Variants in PIKFYVE observed in about 807,000 individuals in gnomAD.
PIKFYVE encodes phosphoinositide kinase, FYVE-type zinc finger containing.
In PIKFYVE, 122 loss-of-function variants were observed where a neutral mutation model predicts 257.9. That is an observed-to-expected ratio of 0.47 (90% CI 0.41 to 0.55). The LOEUF (loss-of-function observed/expected upper bound fraction) is 0.55, where lower values mean the gene tolerates loss of function less well. Ranked by LOEUF, PIKFYVE falls within the 20% of genes least tolerant of loss-of-function variation. The probability of loss-of-function intolerance (pLI) is 0.00; values close to 1 mark genes in which losing one functional copy is unlikely to be tolerated. For missense variants in PIKFYVE, 2,160 were observed against 2,536.6 expected (o/e 0.85, Z 3.19); for synonymous variants, 892 against 868.9 (o/e 1.03, Z -0.47).
rs778674190 is a variant in PIKFYVE at position 208,350,000 on chromosome 2, T to C, written c.5375-24T>C. ...TGATAATTACTCAAAACCTTGGCTT[T>C]ACTAATGATATTAAACCTTTTAGAT... On this transcript the variant is annotated intron_variant, in intron 35 of 41. Transcript: ENST00000264380. 6.2e-6 allele frequency: 10 copies of C among 1,611,094 alleles called. No individual in the cohort carries two copies. In the East Asian group the frequency reaches 1.8e-4, roughly 29 times the overall value.
chr2:208,273,678 C>T lies in PIKFYVE; in HGVS notation c.267C>T (p.Pro89=), dbSNP rs753516888. ...CGAGGACACAGTCTGTTAGGTCACC[C>T]ACACCTTATAAAAAGCAGCTTAATG... The part of the protein sequence containing the change: ...LPSRTQSVRS[P]TPYKKQLNEE... Residue 89 remains proline, a synonymous_variant, in exon 3 of 42, where the codon CCC becomes CCT. Transcript: ENST00000264380. 12 of 1,614,006 alleles carry T rather than the reference C, an allele frequency of 7.4e-6. No individual in the cohort carries two copies. The highest frequency in any genetic ancestry group is 1.0e-5 in the Non-Finnish European group (12 of 1,180,030).
At chr2:208,293,741 C>G (rs1045772506) in intron 7 of PIKFYVE, among the ~76,000 whole-genome samples, 2 of 151,462 alleles carry the variant, frequency 1.3e-5, no homozygotes, top group Non-Finnish European at 2.9e-5. Flanking sequence ...GTCTCAAACT[C>G]CTGGCCTCAA....
intron 3 of PIKFYVE, 152 bp from the exon 4 acceptor site, chr2:208,276,560 A>AT: frequency 1.4e-6 from 1 of 722,636 alleles, no homozygotes; most frequent in South Asian, 1.5e-5. Context: ...TTACCCTTAT[A>AT]AAGACTTGTT....
In PIKFYVE at chr2:208,350,857, A is replaced by T. The variant is rs955752768; in HGVS notation, c.5521A>T (p.Ser1841Cys). 2 of 1,614,168 alleles carry T rather than the reference A, an allele frequency of 1.2e-6. No homozygotes were observed. The highest frequency in any genetic ancestry group is 1.7e-6 in the Non-Finnish European group (2 of 1,180,016). The change falls in exon 37 of 42, where the codon AGT becomes TGT. Residue 1841 changes from serine to cysteine, a missense_variant. Ser to Cys is a moderately radical substitution (Grantham distance 112, BLOSUM62 -1). Transcript: ENST00000264380. ...GATGCGTGAAGTGATTCTGGACAGC[A>T]GTGAAGAAGATTTCATTCGTTCCCT... ...HKMREVILDS[S>C]EEDFIRSLSH...
intron 23 of PIKFYVE, among the ~76,000 whole-genome samples, chr2:208,331,279 T>G (rs943559795): frequency 2.6e-5 from 4 of 152,216 alleles, no homozygotes; most frequent in Non-Finnish European, 5.9e-5. Flanking sequence ...GGGCAAAAAT[T>G]TGGTGCCAAT....
chr2:208,307,034 T>G (rs1006446075), intron 12 of PIKFYVE, among the ~76,000 whole-genome samples: 1 of 152,164 alleles, frequency 6.6e-6, no homozygotes, highest in Non-Finnish European at 1.5e-5. Flanking sequence ...CTGCCTTAGC[T>G]TTCCTAAGTG....
chr2:208,322,783 A>G (rs6414168), intron 17 of PIKFYVE, among the ~76,000 whole-genome samples: 145,463 of 147,724 alleles, frequency 0.98, 71,652 homozygotes, highest in East Asian at 1. Flanking sequence ...TGCCATGTTC[A>G]TGTGTTGCAC....
intron 17 of PIKFYVE, among the ~76,000 whole-genome samples, chr2:208,322,186 C>T (rs924866854): frequency 6.6e-6 from 1 of 151,524 alleles, no homozygotes; most frequent in Non-Finnish European, 1.5e-5. Context: ...TCAAGACCAG[C>T]CTGGGTAACA....
chr2:208,277,819 A>G (rs1574415888), intron 5 of PIKFYVE, 111 bp downstream of exon 5: 2 of 1,139,274 alleles, frequency 1.8e-6, no homozygotes, highest in Non-Finnish European at 2.6e-6. Context: ...TGTGTAAGAC[A>G]TGGGGACACA....
At chr2:208,268,263 C>T (rs1017075783) in intron 1 of PIKFYVE, among the ~76,000 whole-genome samples, 8 of 151,962 alleles carry the variant, frequency 5.3e-5, no homozygotes, top group African/African-American at 1.9e-4. Context: ...TTTCCAAAGC[C>T]GAGTATAATT....
At chr2:208,324,849 T>A (rs1696733072) in intron 18 of PIKFYVE, 62 bp from the exon 19 acceptor site, 3 of 1,576,574 alleles carry the variant, frequency 1.9e-6, no homozygotes, top group Non-Finnish European at 2.6e-6. Context: ...TTTTCCAGAT[T>A]AAATTTACAA....
Position 208,326,411 on chromosome 2 carries a change from T to C in PIKFYVE, c.3600T>C (p.Asp1200=), listed in dbSNP as rs748667587. 5.0e-6 allele frequency: 8 copies of C among 1,613,972 alleles called. No homozygotes were observed. The highest frequency in any genetic ancestry group is 8.5e-7 in the Non-Finnish European group (1 of 1,179,980). The change falls in exon 20 of 42, where the codon GAT becomes GAC. Residue 1200 remains aspartate (D), a synonymous_variant. Transcript: ENST00000264380. ...GDEERGLILS[D]AVWSTKVDCL... is the part of the protein sequence containing the mutation. ...AAGAGAGAGGGCTTATTCTGAGTGA[T>C]GCTGTGTGGTCAACAAAGGTGAGCC... is the stretch of plus-strand genomic sequence containing the variant.
chr2:208,344,243 A>C (rs764066664), intron 32 of PIKFYVE, among the ~76,000 whole-genome samples: 2 of 152,178 alleles, frequency 1.3e-5, no homozygotes, highest in Non-Finnish European at 2.9e-5. Context: ...TGGTGGTTCC[A>C]GGGAGTCCAT....
chr2:208,333,285 A>ATTAGG (rs763750471), intron 23 of PIKFYVE, 30 bp from the exon 24 acceptor site: 67 of 1,603,794 alleles, frequency 4.2e-5, no homozygotes, highest in Non-Finnish European at 1.7e-6. Flanking sequence ...TCAATATGTG[A>ATTAGG]TTAGGTAAAC....
At chr2:208,330,844 G>A in intron 23 of PIKFYVE, 150 bp downstream of exon 23, 1 of 791,576 alleles carries the variant, frequency 1.3e-6, no homozygotes, top group Admixed American at 2.8e-5. Flanking sequence ...TTCCAGTGCT[G>A]TATGTTCAAT....
chr2:208,318,349 A>G (rs1264650549), intron 16 of PIKFYVE, among the ~76,000 whole-genome samples: 1 of 152,156 alleles, frequency 6.6e-6, no homozygotes, highest in East Asian at 1.9e-4. Flanking sequence ...TTCTTCTGTT[A>G]TCCTTCTCAC....
intron 15 of PIKFYVE, among the ~76,000 whole-genome samples, 190 bp from the exon 16 acceptor site, chr2:208,317,677 A>T (rs1475614484): frequency 6.6e-6 from 1 of 152,160 alleles, no homozygotes; most frequent in African/African-American, 2.4e-5. Flanking sequence ...AGAACAGGGG[A>T]TGGGAAAACA....
chr2:208,300,824 A>G, intron 8 of PIKFYVE, 113 bp from the exon 9 acceptor site: 1 of 1,338,914 alleles, frequency 7.5e-7, no homozygotes, highest in African/African-American at 1.4e-5. Flanking sequence ...TAGCTACCAT[A>G]AAGAAATCCA....
At chr2:208,341,049 C>T (rs1425394851) in intron 31 of PIKFYVE, among the ~76,000 whole-genome samples, 1 of 151,660 alleles carries the variant, frequency 6.6e-6, no homozygotes, top group Non-Finnish European at 1.5e-5. Context: ...CCTCTGTCAC[C>T]CAGGCTGGAA....
Sources: allele counts gnomAD v4.1 joint callset (sites outside exome capture counted in the v4.1 genomes callset), GRCh38; gene constraint gnomAD v4.1.1; transcripts MANE v1.5; gene names NCBI Gene and HGNC (gene_info 2026-07-23, HGNC 2026-07-21).